ZC4H2: variants seen among roughly 807,000 people sequenced by gnomAD.
The protein encoded by ZC4H2 is zinc finger C4H2 domain-containing protein.
For missense variants in ZC4H2, 137 were observed against 173.9 expected (o/e 0.79, Z 1.19); for synonymous variants, 84 against 66.3 (o/e 1.27, Z -1.30).
intron 1 of ZC4H2, among the ~76,000 whole-genome samples, chrX:64,948,677 C>G (rs774183989): frequency 5.4e-5 from 6 of 111,588 alleles, no homozygotes; most frequent in Non-Finnish European, 1.1e-4. Context: ...ACTTACTTGC[C>G]AGGTTTTCTA....
chrX:65,009,441 G>A (rs757532721), intron 1 of ZC4H2, among the ~76,000 whole-genome samples: 25 of 111,965 alleles, frequency 2.2e-4, no homozygotes, highest in Admixed American at 3.8e-4. Flanking sequence ...TCTAGGTGGG[G>A]AGACAGATTC....
At chrX:64,919,956 C>T (rs1602380529) in intron 3 of ZC4H2, 125 bp downstream of exon 3, 1 of 734,145 alleles carries the variant, frequency 1.4e-6, no homozygotes. Context: ...GGGACTAAAA[C>T]TAGGCACTCT....
intron 1 of ZC4H2, among the ~76,000 whole-genome samples, chrX:64,988,234 C>G (rs1416203077): frequency 2.7e-5 from 3 of 110,930 alleles, no homozygotes; most frequent in African/African-American, 9.9e-5. Flanking sequence ...ATTTATAATC[C>G]TTTGGGTATA....
intron 1 of ZC4H2, among the ~76,000 whole-genome samples, chrX:65,000,676 C>T (rs1019556168): frequency 6.3e-5 from 7 of 111,904 alleles, no homozygotes; most frequent in Non-Finnish European, 1.3e-4. Flanking sequence ...TACAAGAGAG[C>T]TAAAAACCTT....
At chrX:64,959,467 A>T (rs1337391163) in intron 1 of ZC4H2, among the ~76,000 whole-genome samples, 1 of 104,188 alleles carries the variant, frequency 9.6e-6, no homozygotes, top group Non-Finnish European at 2.0e-5. Context: ...TACCAATTAC[A>T]GTATAACAAA....
upstream of ZC4H2, among the ~76,000 whole-genome samples, chrX:64,981,036 A>G (rs1230030961): frequency 9.1e-6 from 1 of 110,000 alleles, no homozygotes; most frequent in Admixed American, 9.8e-5. Context: ...TGGGCATACA[A>G]TGATCTGGAG....
chrX:65,019,421 C>G (rs1462826301), intron 1 of ZC4H2, among the ~76,000 whole-genome samples: 1 of 110,894 alleles, frequency 9.0e-6, no homozygotes, highest in Admixed American at 9.5e-5. Context: ...CCAGCAAACT[C>G]CAGCAGACCT....
intron 1 of ZC4H2, among the ~76,000 whole-genome samples, chrX:64,950,751 G>C (rs970691915): frequency 9.0e-6 from 1 of 110,795 alleles, no homozygotes; most frequent in African/African-American, 3.3e-5. Context: ...CTCCACATGT[G>C]AGATGGGTTT....
intron 1 of ZC4H2, among the ~76,000 whole-genome samples, chrX:64,930,654 T>G (rs1051786010): frequency 1.1e-4 from 12 of 112,454 alleles, no homozygotes; most frequent in African/African-American, 2.6e-4. Flanking sequence ...TCTGTTTATG[T>G]GATGTATCAC....
At chrX:64,944,230 T>C (rs1930427813) in intron 1 of ZC4H2, among the ~76,000 whole-genome samples, 1 of 104,856 alleles carries the variant, frequency 9.5e-6, no homozygotes, top group Non-Finnish European at 1.9e-5. Context: ...AAGCGCTGCC[T>C]CTCAGGTTCA....
chrX:65,001,822 A>T (rs922578032), intron 1 of ZC4H2, among the ~76,000 whole-genome samples: 1 of 112,023 alleles, frequency 8.9e-6, no homozygotes, highest in African/African-American at 3.2e-5. Flanking sequence ...ATTTTAAAAC[A>T]ACAATTATCA....
At chrX:64,955,684 T>G (rs1931126912) in intron 1 of ZC4H2, among the ~76,000 whole-genome samples, 1 of 112,046 alleles carries the variant, frequency 8.9e-6, no homozygotes, top group Admixed American at 9.5e-5. Flanking sequence ...ATGAGATTCT[T>G]GTCTAACTAT....
intron 1 of ZC4H2, among the ~76,000 whole-genome samples, chrX:64,932,197 C>CA (rs1929787010): frequency 9.1e-6 from 1 of 110,448 alleles, no homozygotes; most frequent in Non-Finnish European, 1.9e-5. Context: ...TTTTGGTTTC[C>CA]ATTTGTGTGG....
intron 1 of ZC4H2, among the ~76,000 whole-genome samples, chrX:64,942,771 A>C (rs747998758): frequency 3.7e-4 from 42 of 112,055 alleles, no homozygotes; most frequent in African/African-American, 1.3e-3. Context: ...TGCTCTTGTG[A>C]ATACTGCTGC....
chrX:65,030,148 G>T (rs1219643248), intron 1 of ZC4H2, among the ~76,000 whole-genome samples: 2 of 111,180 alleles, frequency 1.8e-5, no homozygotes, highest in South Asian at 3.8e-4. Flanking sequence ...GACAGGGTCT[G>T]GCTCTCTTGC....
intron 1 of ZC4H2, among the ~76,000 whole-genome samples, chrX:65,024,850 T>C (rs1421777057): frequency 9.0e-6 from 1 of 111,394 alleles, no homozygotes; most frequent in African/African-American, 3.3e-5. Flanking sequence ...TGAGTAGACA[T>C]GAATGTAACC....
At position 64,916,355 on chromosome X, in the gene ZC4H2, G is replaced by C. The variant is rs1212994852; in HGVS notation, c.*1428C>G. 1.8e-5 allele frequency: 2 copies of C among 111,466 alleles called. No homozygotes were observed. Among genetic ancestry groups the C allele is most frequent in the Non-Finnish European group, 3.8e-5 (2 of 53,101 alleles). 9.2% of individuals were successfully genotyped at this position (111,466 alleles called of 1,213,427 possible). A position where few individuals can be genotyped will look rare whatever the true frequency, so the allele number is the denominator to read the frequency against. On this transcript the variant is annotated 3_prime_UTR_variant, in exon 5 of 5. Transcript: ENST00000374839. ...CTCATTTGTAAGGTGGAATGAATAAGAGCAAACAAGAGCTACCCAGAAAGG... is the reference window on the plus strand; with the variant it reads ...CTCATTTGTAAGGTGGAATGAATAACAGCAAACAAGAGCTACCCAGAAAGG...
intron 1 of ZC4H2, among the ~76,000 whole-genome samples, chrX:64,987,121 G>T (rs1932204123): frequency 9.2e-6 from 1 of 108,592 alleles, no homozygotes; most frequent in Admixed American, 9.9e-5. Flanking sequence ...GTAGAGACAG[G>T]GTTTCACTGT....
upstream of ZC4H2, among the ~76,000 whole-genome samples, chrX:64,980,726 G>A (rs1475967356): frequency 5.4e-5 from 6 of 111,155 alleles, no homozygotes; most frequent in Non-Finnish European, 1.1e-4. Flanking sequence ...GCTAGTAAGT[G>A]GCAGAACTGA....
Sources: allele counts gnomAD v4.1 joint callset (sites outside exome capture counted in the v4.1 genomes callset), GRCh38; gene constraint gnomAD v4.1.1; transcripts MANE v1.5; gene names NCBI Gene and HGNC (gene_info 2026-07-23, HGNC 2026-07-21).